The following FSCN1 variants were observed in gnomAD, a reference collection of about 807,000 sequenced individuals.
The protein encoded by FSCN1 is fascin actin-bundling protein 1.
Under a neutral mutation model 39.7 loss-of-function variants are expected in FSCN1, and 10 were observed. The observed-to-expected ratio is 0.25, with a 90% CI of 0.16 to 0.43. The LOEUF (loss-of-function observed/expected upper bound fraction) is 0.43, where lower values mean the gene tolerates loss of function less well. FSCN1 is among the 20% of genes least tolerant of loss of function. The pLI, the probability that FSCN1 is intolerant of heterozygous loss-of-function variation, is 1.00. For missense variants in FSCN1, 525 were observed against 723.8 expected, an observed-to-expected ratio of 0.73 and a Z score of 3.15; for synonymous variants, 322 against 320.0, an observed-to-expected ratio of 1.01 and a Z score of -0.07.
At position 5,593,491 on chromosome 7, in the gene FSCN1, C is replaced by T; in HGVS notation, c.555C>T (p.Arg185=). ...TCACCCTCGCCTTCCAGGACCAGCG[C>T]TACAGCGTGCAGACCGCCGACCACC... ...SLITLAFQDQ[R]YSVQTADHRF... Residue 185 remains arginine, a synonymous_variant, in exon 1 of 5, where the codon CGC becomes CGT. Coordinates refer to ENST00000382361, the MANE Select transcript of FSCN1 (RefSeq NM_003088.4). The T allele has an allele frequency of 6.2e-7, 1 of 1,610,496 alleles. No homozygotes were observed. The highest frequency in any genetic ancestry group is 1.7e-5 in the Admixed American group (1 of 59,940).
chr7:5,596,353 C>T (rs891548889), intron 1 of FSCN1, among the ~76,000 whole-genome samples: 1 of 152,208 alleles, frequency 6.6e-6, no homozygotes, highest in Non-Finnish European at 1.5e-5. Flanking sequence ...CTTTGAAAAA[C>T]GCTGCGCCCT....
At chr7:5,597,689 A>T (rs1785755101) in intron 1 of FSCN1, among the ~76,000 whole-genome samples, 1 of 151,894 alleles carries the variant, frequency 6.6e-6, no homozygotes, top group African/African-American at 2.4e-5. Flanking sequence ...CAAAACAAAA[A>T]AAACAACCAA....
chr7:5,601,197 C>CT (rs534109521), intron 1 of FSCN1, among the ~76,000 whole-genome samples: 4,358 of 115,384 alleles, frequency 0.038, 76 homozygotes, highest in Non-Finnish European at 0.045. Flanking sequence ...TTCTTTCTTC[C>CT]TTTTTTTTTT....
chr7:5,601,770 G>A (rs1410569055), intron 1 of FSCN1, among the ~76,000 whole-genome samples: 2 of 152,082 alleles, frequency 1.3e-5, no homozygotes, highest in African/African-American at 2.4e-5. Context: ...AGCCCAGGAA[G>A]TCGAGGCTAC....
At chr7:5,602,489 A>G (rs1040919796) in intron 1 of FSCN1, among the ~76,000 whole-genome samples, 17 of 151,950 alleles carry the variant, frequency 1.1e-4, no homozygotes, top group African/African-American at 3.4e-4. Flanking sequence ...GTCCTTTTCT[A>G]TACCATTTTT....
At chr7:5,595,026 A>T (rs941804664) in intron 1 of FSCN1, 2 of 152,298 alleles carry the variant, frequency 1.3e-5, no homozygotes, top group Non-Finnish European at 2.9e-5. Flanking sequence ...GCTTGCAGAC[A>T]GAGGCCCCGC....
rs748567898 is a variant in FSCN1, at chr7:5,605,342, C to T, written c.1350C>T (p.Asp450=). 5 of 1,613,690 alleles carry T rather than the reference C, an allele frequency of 3.1e-6. No homozygotes were observed. In the African/African-American group the frequency reaches 5.3e-5, roughly 17 times the overall value. ...AVTSSGDTPV[D]FFFEFCDYNK... ...CCAGCAGCGGCGACACTCCTGTGGACTTCTTCTTCGAGTTCTGCGACTATA... is the reference window on the plus strand; with the variant it reads ...CCAGCAGCGGCGACACTCCTGTGGATTTCTTCTTCGAGTTCTGCGACTATA... Residue 450 remains aspartate, a synonymous_variant, in exon 5 of 5, where the codon GAC becomes GAT. Coordinates refer to ENST00000382361, the MANE Select transcript of FSCN1 (RefSeq NM_003088.4). The surrounding 1 kb of genome is among the most constrained non-coding windows in gnomAD (Gnocchi z 6.9).
rs757174383 is a variant in FSCN1, at chr7:5,603,347, G to A, written c.923G>A (p.Arg308His). 48 of 1,613,542 alleles carry A rather than the reference G, an allele frequency of 3.0e-5. No individual in the cohort carries two copies. The highest frequency in any genetic ancestry group is 3.6e-5 in the Non-Finnish European group (42 of 1,180,018). Reference protein sequence around the residue: ...IDRDTKKCAFRTHTGKYWTLT... With the variant: ...IDRDTKKCAFHTHTGKYWTLT... ...CGCGACACCAAAAAGTGTGCCTTCC[G>A]TACCCACACGGGCAAGTACTGGACG... Residue 308 changes from arginine (R) to histidine (H), a missense_variant, in exon 2 of 5, where the codon CGT (arginine) becomes CAT (histidine). By Grantham distance (29) the Arg-to-His change is conservative. Around this residue, in one of 3 missense-constraint regions of FSCN1, gnomAD observed 275 missense variants for 351.9 expected, o/e 0.78. Coordinates refer to ENST00000382361, the MANE Select transcript of FSCN1 (RefSeq NM_003088.4). The surrounding 1 kb of genome is among the most constrained non-coding windows in gnomAD (Gnocchi z 8.5).
intron 1 of FSCN1, among the ~76,000 whole-genome samples, chr7:5,601,503 G>A (rs912978914): frequency 7.2e-5 from 11 of 152,120 alleles, no homozygotes; most frequent in Admixed American, 5.2e-4. Flanking sequence ...GTGGCAACCC[G>A]CATGCTTCTT....
rs139675041 is a variant in FSCN1 at position 5,603,251 on chromosome 7, C to G, written c.833-6C>G. 3.7e-6 allele frequency: 6 copies of G among 1,611,682 alleles called. No individual in the cohort carries two copies. On this transcript the variant is annotated splice_polypyrimidine_tract_variant and splice_region_variant and intron_variant, in intron 1 of 4. Coordinates refer to ENST00000382361, the MANE Select transcript of FSCN1 (RefSeq NM_003088.4). The surrounding 1 kb of genome is among the most constrained non-coding windows in gnomAD (Gnocchi z 8.5). Reference sequence around the variant, plus strand: ...CCAGTACCAGCCCAAGGCCTCCTCTCTGCAGGTATGGACCTGTCTGCCAAT... The same window carrying G: ...CCAGTACCAGCCCAAGGCCTCCTCTGTGCAGGTATGGACCTGTCTGCCAAT...
chr7:5,597,536 G>A (rs145191609), intron 1 of FSCN1, among the ~76,000 whole-genome samples: 6,136 of 151,846 alleles, frequency 0.04, 154 homozygotes, highest in Middle Eastern at 0.068. Flanking sequence ...GCGTGGTGGC[G>A]CATGCCTGTA....
At chr7:5,598,920 C>T (rs1202479026) in intron 1 of FSCN1, among the ~76,000 whole-genome samples, 2 of 152,238 alleles carry the variant, frequency 1.3e-5, no homozygotes, top group Non-Finnish European at 2.9e-5. Flanking sequence ...CATGCAGGCC[C>T]TTCTGAGCAG....
At position 5,599,213 on chromosome 7, in the gene FSCN1, G is replaced by A. The variant is rs1441227058; in HGVS notation, c.833-4044G>A. Reference sequence around the variant, plus strand: ...AGCCCACCCAGTGCGGTGGATGCTCGTCGGAGGGCAGAGGGTGGGCTACCG... The same window carrying A: ...AGCCCACCCAGTGCGGTGGATGCTCATCGGAGGGCAGAGGGTGGGCTACCG... On this transcript the variant is annotated intron_variant, in intron 1 of 4. Transcript: ENST00000382361. This position sits in a 1 kb window ranked among gnomAD's most constrained non-coding sequence, Gnocchi z 5.6. 2.0e-5 allele frequency among the ~76,000 whole-genome samples: 3 copies of A among 152,126 alleles called. No homozygotes were observed. The highest frequency in any genetic ancestry group is 1.9e-4 in the East Asian group (1 of 5,192).
At chr7:5,594,049 C>CA (rs1440058697) in intron 1 of FSCN1, 6 of 396,870 alleles carry the variant, frequency 1.5e-5, no homozygotes, top group South Asian at 5.0e-5. Flanking sequence ...CTCCTAACCC[C>CA]CCCCCCCGCC....
At chr7:5,601,264 G>T (rs1173946257) in intron 1 of FSCN1, among the ~76,000 whole-genome samples, 3 of 139,820 alleles carry the variant, frequency 2.1e-5, no homozygotes, top group Non-Finnish European at 4.5e-5. Flanking sequence ...GTGCAGTGGT[G>T]CAATCTCAGC....
At chr7:5,600,112 T>C (rs1304374942) in intron 1 of FSCN1, among the ~76,000 whole-genome samples, 1 of 152,056 alleles carries the variant, frequency 6.6e-6, no homozygotes, top group Non-Finnish European at 1.5e-5. Flanking sequence ...AATGTAGTTA[T>C]AATGAATAGC....
Position 5,603,580 on chromosome 7 carries a change from G to A in FSCN1, c.1074G>A (p.Lys358=). The part of the protein sequence containing the change: ...RASNGKFVTS[K]KNGQLAASVE... ...CCAATGGCAAGTTTGTGACCTCCAAGAAGAATGGGCAGCTGGCCGCCTCGG... is the reference window on the plus strand; with the variant it reads ...CCAATGGCAAGTTTGTGACCTCCAAAAAGAATGGGCAGCTGGCCGCCTCGG... The change falls in exon 3 of 5, where the codon AAG becomes AAA. Residue 358 remains lysine, a synonymous_variant. Transcript: ENST00000382361. The surrounding 1 kb of genome is among the most constrained non-coding windows in gnomAD (Gnocchi z 8.5). The A allele has an allele frequency of 6.2e-7, 1 of 1,614,170 alleles. No individual in the cohort carries two copies. The highest frequency in any genetic ancestry group is 8.5e-7 in the Non-Finnish European group (1 of 1,180,030).
chr7:5,597,895 C>T (rs117747856), intron 1 of FSCN1, among the ~76,000 whole-genome samples: 3,905 of 152,094 alleles, frequency 0.026, 70 homozygotes, highest in Admixed American at 0.039. Flanking sequence ...TCCTGGCTCC[C>T]GGGGGCTTCT....
intron 1 of FSCN1, among the ~76,000 whole-genome samples, chr7:5,601,958 T>A (rs1355645600): frequency 2.3e-4 from 25 of 110,682 alleles, no homozygotes; most frequent in Admixed American, 1.0e-3. Context: ...AAAAAAAATT[T>A]TTTTTTTTTT....
Sources: gnomAD v4.1 joint callset for allele counts (sites outside exome capture counted in the v4.1 genomes callset) on GRCh38, gnomAD v4.1.1 for gene constraint, gnomAD v4.1.1 regional missense constraint, Gnocchi (gnomAD v3.1) non-coding constraint, MANE v1.5 for transcripts, NCBI Gene and HGNC (gene_info 2026-07-23, HGNC 2026-07-21) for gene names.